The following MACF1 variants were observed in gnomAD, a reference collection of about 807,000 sequenced individuals.
The protein encoded by MACF1 is microtubule-actin cross-linking factor 1.
Under a neutral mutation model 854.8 loss-of-function variants are expected in MACF1, and 193 were observed. The ratio of observed to expected loss-of-function variants is 0.23; its 90% CI spans 0.20 to 0.25. MACF1 has a LOEUF of 0.25. Ranked by LOEUF, MACF1 falls within the 10% of genes least tolerant of loss-of-function variation. The pLI, the probability that MACF1 is intolerant of heterozygous loss-of-function variation, is 1.00. For synonymous variants in MACF1, 3,185 were observed against 3,226.7 expected, an observed-to-expected ratio of 0.99 and a Z score of 0.44; for missense variants, 7,722 against 8,929.1, an observed-to-expected ratio of 0.86 and a Z score of 5.45.
At chr1:39,361,053 A>G in intron 48 of MACF1, 52 bp downstream of exon 48, 1 of 1,461,674 alleles carries the variant, frequency 6.8e-7, no homozygotes, top group Non-Finnish European at 9.6e-7. Context: ...GCTATGTGCC[A>G]TCATTACATA....
chr1:39,385,323 C>T lies in MACF1; in HGVS notation c.13849-111C>T, dbSNP rs2148563932. ...CCTCAAGTGATCCTCCCACCTCGGC[C>T]TCCCAAAGTGCTGCGATTACAGGCA... On this transcript the variant is annotated intron_variant, in intron 56 of 100. Coordinates refer to ENST00000564288, the MANE Select transcript of MACF1 (RefSeq NM_001394062.1). 6 of 1,216,756 alleles carry T rather than the reference C, an allele frequency of 4.9e-6. No individual in the cohort carries two copies. In the East Asian group the frequency reaches 1.5e-4, roughly 31 times the overall value. The allele number at this position is 1,216,756 out of a possible 1,614,324, so 75.4% of individuals were successfully genotyped here. A position where few individuals can be genotyped will look rare whatever the true frequency, so the allele number is the denominator to read the frequency against.
intron 72 of MACF1, among the ~76,000 whole-genome samples, chr1:39,439,958 A>C (rs770423298): frequency 2.7e-4 from 41 of 152,218 alleles, no homozygotes; most frequent in Admixed American, 9.8e-4. Context: ...CCTGCTCATT[A>C]TATTACATTT....
intron 2 of MACF1, among the ~76,000 whole-genome samples, chr1:39,164,952 A>G (rs139978292): frequency 9.2e-5 from 14 of 152,354 alleles, no homozygotes; most frequent in African/African-American, 3.1e-4. Context: ...GCCTTAGAGT[A>G]GAATTATAGA....
intron 2 of MACF1, among the ~76,000 whole-genome samples, chr1:39,237,856 C>A (rs1349592334): frequency 1.3e-5 from 2 of 151,622 alleles, no homozygotes; most frequent in African/African-American, 4.8e-5. Context: ...CGTTGTGGCT[C>A]CAGTTACAAA....
intron 2 of MACF1, among the ~76,000 whole-genome samples, chr1:39,095,143 A>G (rs1356330521): frequency 2.6e-5 from 4 of 152,292 alleles, no homozygotes; most frequent in Admixed American, 6.5e-5. Flanking sequence ...GTCTAACACT[A>G]ACAGTGTGGA....
At chr1:39,192,237 A>G (rs539460817) in intron 2 of MACF1, among the ~76,000 whole-genome samples, 1 of 152,190 alleles carries the variant, frequency 6.6e-6, no homozygotes, top group Non-Finnish European at 1.5e-5. Context: ...GGGAGGATGC[A>G]CGCTGGGGAA....
At chr1:39,450,993 T>C (rs914323413) in intron 84 of MACF1, 59 bp from the exon 85 acceptor site, 25 of 1,569,750 alleles carry the variant, frequency 1.6e-5, no homozygotes, top group East Asian at 9.0e-5. Context: ...CGAGGCAGAA[T>C]TGTGGGCCAT....
At chr1:39,356,205 C>T (rs1404448376) in intron 44 of MACF1, among the ~76,000 whole-genome samples, 1 of 152,094 alleles carries the variant, frequency 6.6e-6, no homozygotes, top group Admixed American at 6.6e-5. Flanking sequence ...GAAAGAAGGT[C>T]TATGTATAAG....
At chr1:39,183,160 C>A (rs968016267) in intron 2 of MACF1, among the ~76,000 whole-genome samples, 4 of 151,996 alleles carry the variant, frequency 2.6e-5, no homozygotes, top group Non-Finnish European at 4.4e-5. Flanking sequence ...TCCATAGAGA[C>A]CATAAGTAGA....
intron 2 of MACF1, among the ~76,000 whole-genome samples, chr1:39,087,719 G>A (rs1288084512): frequency 6.6e-6 from 1 of 152,128 alleles, no homozygotes; most frequent in Non-Finnish European, 1.5e-5. Context: ...TAGGGGACTT[G>A]CCTATAGTTA....
At position 39,357,693 on chromosome 1, in the gene MACF1, T is replaced by C. The variant is rs148356076; in HGVS notation, c.11743T>C (p.Ser3915Pro). 1,982 of 1,614,084 alleles carry C rather than the reference T, an allele frequency of 1.2e-3. 3 individuals carry two copies. Among genetic ancestry groups the C allele is most frequent in the Non-Finnish European group, 1.6e-3 (1,850 of 1,180,004 alleles). Residue 3915 changes from serine to proline, a missense_variant, in exon 45 of 101, where the codon TCC (serine) becomes CCC (proline). By Grantham distance (74) the Ser-to-Pro change is moderately conservative. This residue lies in a region of MACF1 where 2,807 missense variants were observed against 3,235.8 expected (regional missense o/e 0.87). Transcript: ENST00000564288. ...AGGCAGCAGCCCCGAGACCCTTCCC[T>C]CCCTGCTAAAGCGGCAAGGAAGCTT... is the stretch of plus-strand genomic sequence containing the variant. Reference protein sequence around the residue: ...KGGSSPETLPSLLKRQGSFSE... With the variant: ...KGGSSPETLPPLLKRQGSFSE...
At chr1:39,138,072 CAAAAAAAAAA>C (rs1213606775) in intron 2 of MACF1, among the ~76,000 whole-genome samples, 1 of 50,330 alleles carries the variant, frequency 2.0e-5, no homozygotes, top group African/African-American at 7.1e-5. Flanking sequence ...GACTCCATCT[CAAAAAAAAAA>C]AAAAAAAAAA....
chr1:39,377,197 G>A (rs914166996), intron 52 of MACF1, among the ~76,000 whole-genome samples: 1 of 151,774 alleles, frequency 6.6e-6, no homozygotes, highest in African/African-American at 2.4e-5. Flanking sequence ...TTTTAATAGA[G>A]ATGGGGTTTC....
Position 39,315,436 on chromosome 1 carries a change from T to A in MACF1, c.3271-77T>A, listed in dbSNP as rs188096753. Reference sequence around the variant, plus strand: ...ATTTAGGTGGTTTCCAATATTTAGCTATTACAAATGTGGACTTCTTTCTAC... The same window carrying A: ...ATTTAGGTGGTTTCCAATATTTAGCAATTACAAATGTGGACTTCTTTCTAC... On this transcript the variant is annotated intron_variant, in intron 26 of 100. Coordinates refer to ENST00000564288, the MANE Select transcript of MACF1 (RefSeq NM_001394062.1). The A allele has an allele frequency of 1.1e-5, 15 of 1,346,084 alleles. No individual in the cohort carries two copies. The East Asian group carries it at 2.5e-4, about 23-fold the overall frequency. 83.4% of individuals were successfully genotyped at this position (1,346,084 alleles called of 1,614,324 possible).
chr1:39,374,848 C>T (rs1036764811), intron 52 of MACF1, among the ~76,000 whole-genome samples: 2 of 152,144 alleles, frequency 1.3e-5, no homozygotes, highest in Non-Finnish European at 2.9e-5. Context: ...CAGTGGCTCA[C>T]GCCTGTAATC....
At chr1:39,410,775 G>A (rs779155163) in intron 58 of MACF1, 1 of 1,613,994 alleles carries the variant, frequency 6.2e-7, no homozygotes, top group Non-Finnish European at 8.5e-7. Flanking sequence ...AGAAGAAGGA[G>A]TCCAGTTCTG....
chr1:39,301,108 TTTTTAA>T (rs1380869876), intron 22 of MACF1, among the ~76,000 whole-genome samples: 18 of 152,170 alleles, frequency 1.2e-4, no homozygotes, highest in African/African-American at 4.3e-4. Flanking sequence ...GCATGTTCTT[TTTTTAA>T]TTTTAATTTT....
chr1:39,353,127 C>T lies in MACF1; in HGVS notation c.11320C>T (p.Leu3774Phe), dbSNP rs368225497. Residue 3774 changes from leucine (L) to phenylalanine (F), a missense_variant, in exon 44 of 101, where the codon CTC becomes TTC. Leu to Phe is a conservative substitution (Grantham distance 22). Around this residue, in one of 15 missense-constraint regions of MACF1, gnomAD observed 2,807 missense variants for 3,235.8 expected, o/e 0.87. Transcript: ENST00000564288. ...GACCAACCTTCCAGGAATGGAGCAGCTCTCGGGAGCTAGCTTGGAGAAAGG... is the reference window on the plus strand; with the variant it reads ...GACCAACCTTCCAGGAATGGAGCAGTTCTCGGGAGCTAGCTTGGAGAAAGG... The part of the protein sequence containing the change: ...LLTNLPGMEQ[L>F]SGASLEKGAL... 2.8e-5 allele frequency: 46 copies of T among 1,614,042 alleles called. No individual in the cohort carries two copies. The highest frequency in any genetic ancestry group is 3.6e-5 in the Non-Finnish European group (43 of 1,180,032).
At chr1:39,457,265 G>A (rs1046909404) in intron 89 of MACF1, 1 of 151,540 alleles carries the variant, frequency 6.6e-6, no homozygotes, top group African/African-American at 2.4e-5. Flanking sequence ...TCCTCATTCA[G>A]AGGCCTGTGA....
Sources: gnomAD v4.1 joint callset for allele counts (sites outside exome capture counted in the v4.1 genomes callset) on GRCh38, gnomAD v4.1.1 for gene constraint, gnomAD v4.1.1 regional missense constraint, MANE v1.5 for transcripts, NCBI Gene and HGNC (gene_info 2026-07-23, HGNC 2026-07-21) for gene names.